UGT1A9: variants seen among roughly 807,000 people sequenced by gnomAD.
UGT1A9 encodes UDP-glucuronosyltransferase 1A9.
UGT1A9 carries 35 observed loss-of-function variants against 45.0 expected under a neutral mutation model. The observed-to-expected ratio is 0.78, with a 90% CI of 0.59 to 1.03. The LOEUF (loss-of-function observed/expected upper bound fraction) is 1.03. Ranked by LOEUF, UGT1A9 falls within the 50% of genes least tolerant of loss-of-function variation. UGT1A9 has a pLI of 0.00. For synonymous variants in UGT1A9, 278 were observed against 250.6 expected, an observed-to-expected ratio of 1.11 and a Z score of -1.03; for missense variants, 687 against 666.6, an observed-to-expected ratio of 1.03 and a Z score of -0.34.
intron 1 of UGT1A9, among the ~76,000 whole-genome samples, chr2:233,718,371 GAAGA>G (rs1356722234): frequency 1.3e-5 from 2 of 152,202 alleles, no homozygotes; most frequent in African/African-American, 4.8e-5. Context: ...TCACATATGA[GAAGA>G]AAGAGTTTCA....
intron 1 of UGT1A9, chr2:233,729,425 A>G (rs1461557828): frequency 6.2e-7 from 1 of 1,613,834 alleles, no homozygotes. Flanking sequence ...ACTCAACTGT[A>G]CTTTGAAACA....
rs1389951829 is a variant in UGT1A9 at position 233,685,797 on chromosome 2, G to GT, written c.855+13010dup. ...TTTGTTTTAAAGAAAATCTTGGCAT[G>GT]TTGTCTCATCACGAAATACTTCACT... On this transcript the variant is annotated intron_variant, in intron 1 of 4. Coordinates refer to ENST00000354728, the MANE Select transcript of UGT1A9 (RefSeq NM_021027.3). 3.3e-5 allele frequency among the ~76,000 whole-genome samples: 5 copies of GT among 152,240 alleles called. No homozygotes were observed. In the South Asian group the frequency reaches 1.0e-3, roughly 32 times the overall value.
chr2:233,755,203 AC>A (rs1695811923), intron 1 of UGT1A9: 1 of 1,097,556 alleles, frequency 9.1e-7, no homozygotes, highest in East Asian at 4.8e-5. Flanking sequence ...AGCTTGCGGT[AC>A]GCCTTCTTGA....
At chr2:233,684,576 A>C (rs2074685717) in intron 1 of UGT1A9, among the ~76,000 whole-genome samples, 1 of 152,184 alleles carries the variant, frequency 6.6e-6, no homozygotes, top group South Asian at 2.1e-4. Flanking sequence ...AAAATATGAA[A>C]CATTGAGCCA....
chr2:233,692,981 G>A lies in UGT1A9; in HGVS notation c.855+20192G>A, dbSNP rs746849497. 62 of 1,613,094 alleles carry A rather than the reference G, an allele frequency of 3.8e-5. No individual in the cohort carries two copies. The South Asian group carries it at 4.8e-4, about 13-fold the overall frequency. ...TGGAGAGTGAAAACTCTTTATTACC[G>A]TTGTTACTTTAACTCTTTCCAGGAT... On this transcript the variant is annotated intron_variant, in intron 1 of 4. Coordinates refer to ENST00000354728, the MANE Select transcript of UGT1A9 (RefSeq NM_021027.3).
chr2:233,733,094 T>C (rs1220598340), intron 1 of UGT1A9, among the ~76,000 whole-genome samples: 7 of 152,326 alleles, frequency 4.6e-5, no homozygotes, highest in Non-Finnish European at 8.8e-5. Context: ...AGTTCACTCA[T>C]GGTTTGGCTC....
chr2:233,724,180 C>A (rs1179896471), intron 1 of UGT1A9, among the ~76,000 whole-genome samples: 6 of 128,866 alleles, frequency 4.7e-5, no homozygotes, highest in Non-Finnish European at 8.1e-5. Context: ...CCATCTCCCT[C>A]CCGGACGGGG....
At chr2:233,740,584 T>G (rs1401941870) in intron 1 of UGT1A9, 1 of 151,838 alleles carries the variant, frequency 6.6e-6, no homozygotes, top group Non-Finnish European at 1.5e-5. Flanking sequence ...GGGACCCTAA[T>G]GAAATGGTTA....
chr2:233,683,245 G>A (rs925181068), intron 1 of UGT1A9, among the ~76,000 whole-genome samples: 2 of 151,912 alleles, frequency 1.3e-5, no homozygotes, highest in Non-Finnish European at 2.9e-5. Flanking sequence ...TGCTGGCTAT[G>A]TTTTTTTATG....
chr2:233,729,742 A>G (rs573582484), intron 1 of UGT1A9: 2 of 1,613,974 alleles, frequency 1.2e-6, no homozygotes, highest in East Asian at 2.2e-5. Context: ...AGACCACATG[A>G]CATTCATGCA....
At chr2:233,714,647 C>T (rs886443122) in intron 1 of UGT1A9, among the ~76,000 whole-genome samples, 1 of 152,174 alleles carries the variant, frequency 6.6e-6, no homozygotes, top group Non-Finnish European at 1.5e-5. Context: ...GTGAATAATG[C>T]ATTTTATTTA....
At chr2:233,730,735 G>A (rs1037091205) in intron 1 of UGT1A9, among the ~76,000 whole-genome samples, 2 of 152,096 alleles carry the variant, frequency 1.3e-5, no homozygotes, top group African/African-American at 2.4e-5. Flanking sequence ...ATGGCGGAAG[G>A]GGCTAGGGAG....
chr2:233,737,522 C>T (rs1286705932), intron 1 of UGT1A9, among the ~76,000 whole-genome samples: 9 of 152,174 alleles, frequency 5.9e-5, no homozygotes, highest in African/African-American at 9.7e-5. Context: ...CTAGGTGAGG[C>T]GACGCCCTGC....
intron 1 of UGT1A9, chr2:233,690,756 GACATACACACACACAC>G (rs2075007823): frequency 2.7e-6 from 3 of 1,107,062 alleles, no homozygotes; most frequent in African/African-American, 2.3e-5. Context: ...GTCCAGTGCA[GACATACACACACACAC>G]ACATACACAC....
At chr2:233,760,803 GC>G (rs773292758) in intron 1 of UGT1A9, 1 of 1,613,342 alleles carries the variant, frequency 6.2e-7, no homozygotes, top group South Asian at 1.1e-5. Flanking sequence ...TATTCTTCTT[GC>G]ATGCACTGCC....
chr2:233,772,311 G>T lies in UGT1A9; in HGVS notation c.1345G>T (p.Val449Leu), dbSNP rs587784536. 12 of 1,614,228 alleles carry T rather than the reference G, an allele frequency of 7.4e-6. No homozygotes were observed. In the Admixed American group the frequency reaches 1.5e-4, roughly 20 times the overall value. Residue 449 changes from valine (V) to leucine (L), a missense_variant, in exon 5 of 5, where the codon GTG becomes TTG. Transcript: ENST00000354728. ...RLSSLHKDRP[V>L]EPLDLAVFWV... ...CTCCAGCCTTCACAAGGACCGCCCG[G>T]TGGAGCCGCTGGACCTGGCCGTGTT...
chr2:233,760,544 A>C (rs1287938183), intron 1 of UGT1A9: 1 of 1,614,126 alleles, frequency 6.2e-7, no homozygotes, highest in Non-Finnish European at 8.5e-7. Flanking sequence ...TTCCAAAGGG[A>C]GGATGTGAAA....
chr2:233,726,010 C>A (rs575189558), intron 1 of UGT1A9, among the ~76,000 whole-genome samples: 58 of 152,004 alleles, frequency 3.8e-4, no homozygotes, highest in African/African-American at 1.2e-3. Context: ...TACAAAAAAT[C>A]AAAAAATTAT....
At chr2:233,766,582 G>A (rs1699191924) in intron 1 of UGT1A9, among the ~76,000 whole-genome samples, 1 of 152,174 alleles carries the variant, frequency 6.6e-6, no homozygotes, top group South Asian at 2.1e-4. Context: ...GTCTGGGGGT[G>A]GAGCCCTCGC....
Sources: allele counts gnomAD v4.1 joint callset (sites outside exome capture counted in the v4.1 genomes callset), GRCh38; gene constraint gnomAD v4.1.1; transcripts MANE v1.5; gene names NCBI Gene and HGNC (gene_info 2026-07-23, HGNC 2026-07-21).